The following CORO1B variants were observed in gnomAD, a reference collection of about 807,000 sequenced individuals.
CORO1B encodes coronin-1B.
In CORO1B, 30 loss-of-function variants were observed where a neutral mutation model predicts 51.1. The ratio of observed to expected loss-of-function variants is 0.59; its 90% CI spans 0.44 to 0.80. The LOEUF is 0.80. CORO1B is among the 30% of genes least tolerant of loss of function. The probability of loss-of-function intolerance (pLI) is 0.00; values close to 1 mark genes in which losing one functional copy is unlikely to be tolerated. For missense variants in CORO1B, 648 were observed against 700.4 expected (o/e 0.93, Z 0.84); for synonymous variants, 310 against 289.7 (o/e 1.07, Z -0.71).
In CORO1B at chr11:67,435,630, C is replaced by T. The variant is rs1864249664; in HGVS notation, c.*2746G>A. 5.4e-6 allele frequency: 8 copies of T among 1,472,520 alleles called. No individual in the cohort carries two copies. Among genetic ancestry groups the T allele is most frequent in the African/African-American group, 1.4e-5 (1 of 70,996 alleles). The allele number at this position is 1,472,520 out of a possible 1,614,324, so 91.2% of individuals were successfully genotyped here. A position where few individuals can be genotyped will look rare whatever the true frequency, so the allele number is the denominator to read the frequency against. On this transcript the variant is annotated 3_prime_UTR_variant, in exon 11 of 11. Coordinates refer to ENST00000341356, the MANE Select transcript of CORO1B (RefSeq NM_020441.3). ...ACTGGTAGGGGGTGACAGTCTGAGG[C>T]ATGGTCATGTGGGCTGGGGGTCCAG...
rs1864319086 is a variant in CORO1B, at chr11:67,437,966, G to A, written c.*410C>T. On this transcript the variant is annotated 3_prime_UTR_variant, in exon 11 of 11. Transcript: ENST00000341356. ...GCTGCTCACTGCCCCCAGACCTTCT[G>A]CACATGTGTGACTCCTGTGACATCC... 2.8e-6 allele frequency: 1 copy of A among 361,838 alleles called. No individual in the cohort carries two copies. The allele number at this position is 361,838 out of a possible 1,614,324, so 22.4% of individuals were successfully genotyped here.
rs1864387871 is a variant in CORO1B, at chr11:67,441,264, G to T, written c.637-20C>A. The T allele has an allele frequency of 6.2e-7, 1 of 1,612,706 alleles. No homozygotes were observed. The highest frequency in any genetic ancestry group is 1.3e-5 in the African/African-American group (1 of 74,924). On this transcript the variant is annotated intron_variant, in intron 5 of 10. Transcript: ENST00000341356. ...CCGCTCCTGTCGGGGGGACAGGCTG[G>T]TCAGTGCAGCGCCCTGCTCAAGGTC...
At position 67,436,569 on chromosome 11, in the gene CORO1B, A is replaced by C; in HGVS notation, c.*1807T>G. The C allele has an allele frequency of 2.1e-6, 1 of 469,628 alleles. No homozygotes were observed. Among genetic ancestry groups the C allele is most frequent in the Non-Finnish European group, 3.6e-6 (1 of 278,332 alleles). The allele number at this position is 469,628 out of a possible 1,614,324, so 29.1% of individuals were successfully genotyped here. ...CTCCTCCCTACCACTCACCTCCCCC[A>C]ACAGCTGCATTAAGCCACCTGCCTG... On this transcript the variant is annotated 3_prime_UTR_variant, in exon 11 of 11. Coordinates refer to ENST00000341356, the MANE Select transcript of CORO1B (RefSeq NM_020441.3).
Position 67,435,822 on chromosome 11 carries a change from T to C in CORO1B, c.*2554A>G. On this transcript the variant is annotated 3_prime_UTR_variant, in exon 11 of 11. Coordinates refer to ENST00000341356, the MANE Select transcript of CORO1B (RefSeq NM_020441.3). ...CTGCCAGCAAAGGCGTGCAGGTCACTCAGCAGGGCCTCAGCACTGCCCCCT... is the reference window on the plus strand; with the variant it reads ...CTGCCAGCAAAGGCGTGCAGGTCACCCAGCAGGGCCTCAGCACTGCCCCCT... 6.2e-7 allele frequency: 1 copy of C among 1,604,798 alleles called. No homozygotes were observed. Among genetic ancestry groups the C allele is most frequent in the Non-Finnish European group, 8.5e-7 (1 of 1,176,856 alleles).
At chr11:67,442,664 C>A in intron 1 of CORO1B, 34 bp from the exon 2 acceptor site, 1 of 1,598,216 alleles carries the variant, frequency 6.3e-7, no homozygotes, top group Non-Finnish European at 8.6e-7. Context: ...CAGTCCGGCC[C>A]ATCCCAACAA....
chr11:67,441,337 A>T lies in CORO1B; in HGVS notation c.632T>A (p.Val211Glu). The T allele has an allele frequency of 6.2e-7, 1 of 1,613,538 alleles. No individual in the cohort carries two copies. The highest frequency in any genetic ancestry group is 8.5e-7 in the Non-Finnish European group (1 of 1,179,998). The change falls in exon 5 of 11, where the codon GTG becomes GAG. Residue 211 changes from valine (V) to glutamate (E), a missense_variant. Val to Glu is a moderately radical substitution (Grantham distance 121). Coordinates refer to ENST00000341356, the MANE Select transcript of CORO1B (RefSeq NM_020441.3). The part of the protein sequence containing the change: ...RIIDPRRGTL[V>E]AEREKAHEGA... ...TTGCCCTCCAGAGCCACGTACTGCCACCAGGGTGCCCCGACGGGGGTCGAT... is the reference window on the plus strand; with the variant it reads ...TTGCCCTCCAGAGCCACGTACTGCCTCCAGGGTGCCCCGACGGGGGTCGAT...
Position 67,437,001 on chromosome 11 carries a change from T to C in CORO1B, c.*1375A>G, listed in dbSNP as rs1340351748. ...GGAGGTTGCTAGCTGGTGTCAGGGCTGGCTCTCCCTGAGGCCTGGGATGGG... is the reference window on the plus strand; with the variant it reads ...GGAGGTTGCTAGCTGGTGTCAGGGCCGGCTCTCCCTGAGGCCTGGGATGGG... On this transcript the variant is annotated 3_prime_UTR_variant, in exon 11 of 11. Transcript: ENST00000341356. 1 of 152,560 alleles carries C rather than the reference T, an allele frequency of 6.6e-6. No homozygotes were observed. Among genetic ancestry groups the C allele is most frequent in the Admixed American group, 6.5e-5 (1 of 15,300 alleles). The allele number at this position is 152,560 out of a possible 1,614,324, so 9.5% of individuals were successfully genotyped here.
At chr11:67,440,676 G>T in intron 6 of CORO1B, 1 of 678,754 alleles carries the variant, frequency 1.5e-6, no homozygotes, top group East Asian at 2.8e-5. Context: ...CTATGCCCAG[G>T]CCACTAAGCA....
intron 6 of CORO1B, 77 bp downstream of exon 6, chr11:67,441,048 C>T: frequency 6.2e-7 from 1 of 1,605,118 alleles, no homozygotes; most frequent in Non-Finnish European, 8.5e-7. Flanking sequence ...CCACAGGCCT[C>T]CCCAGGGTGA....
rs547376488 is a variant in CORO1B at position 67,435,562 on chromosome 11, G to T, written c.*2814C>A. ...TGGTTGCCTGATGCCTGTGGTTGGGGGGGGCCGTTCCCGTGGTGAGCGGGG... is the reference window on the plus strand; with the variant it reads ...TGGTTGCCTGATGCCTGTGGTTGGGTGGGGCCGTTCCCGTGGTGAGCGGGG... On this transcript the variant is annotated 3_prime_UTR_variant, in exon 11 of 11. Coordinates refer to ENST00000341356, the MANE Select transcript of CORO1B (RefSeq NM_020441.3). The T allele has an allele frequency of 2.0e-6, 2 of 1,003,840 alleles. No homozygotes were observed. The highest frequency in any genetic ancestry group is 2.8e-6 in the Non-Finnish European group (2 of 713,612). 62.2% of individuals were successfully genotyped at this position (1,003,840 alleles called of 1,614,324 possible).
rs374554695 is a variant in CORO1B, at chr11:67,441,249, C to T, written c.637-5G>A. On this transcript the variant is annotated splice_polypyrimidine_tract_variant and splice_region_variant and intron_variant, in intron 5 of 10. Transcript: ENST00000341356. ...CTCATGAGCCTTCTCCCGCTCCTGTCGGGGGGACAGGCTGGTCAGTGCAGC... is the reference window on the plus strand; with the variant it reads ...CTCATGAGCCTTCTCCCGCTCCTGTTGGGGGGACAGGCTGGTCAGTGCAGC... 1.6e-5 allele frequency: 25 copies of T among 1,612,824 alleles called. No individual in the cohort carries two copies. The highest frequency in any genetic ancestry group is 3.3e-5 in the South Asian group (3 of 91,072).
chr11:67,440,541 C>T (rs1443631491), intron 6 of CORO1B, 102 bp from the exon 7 acceptor site: 1 of 1,057,582 alleles, frequency 9.5e-7, no homozygotes, highest in Non-Finnish European at 1.4e-6. Context: ...CCAGCACTGC[C>T]CCTAAATGCA....
At position 67,438,322 on chromosome 11, in the gene CORO1B, A is replaced by G; in HGVS notation, c.*54T>C. 1 of 1,553,942 alleles carries G rather than the reference A, an allele frequency of 6.4e-7. No individual in the cohort carries two copies. On this transcript the variant is annotated 3_prime_UTR_variant, in exon 11 of 11. Transcript: ENST00000341356. ...TAGCCCGGTGCGACCCGCTGGCAGA[A>G]GCTGAGTGGGAAGGGGGCGGCGGAG...
At position 67,438,699 on chromosome 11, in the gene CORO1B, G is replaced by C. The variant is rs931057641; in HGVS notation, c.1316C>G (p.Thr439Ser). Residue 439 changes from threonine (T) to serine (S), a missense_variant, in exon 10 of 11, where the codon ACC (threonine) becomes AGC (serine). Transcript: ENST00000341356. ...PASTTTAADA[T>S]PSGSLARAGE... ...GGCTCTGGCCAGGCTGCCGCTGGGGGTGGCATCAGCAGCAGTGGTGGTGGA... is the reference window on the plus strand; with the variant it reads ...GGCTCTGGCCAGGCTGCCGCTGGGGCTGGCATCAGCAGCAGTGGTGGTGGA... The C allele has an allele frequency of 6.5e-7, 1 of 1,547,932 alleles. No homozygotes were observed.
In CORO1B at chr11:67,435,764, C is replaced by T. The variant is rs1378626098; in HGVS notation, c.*2612G>A. 6.4e-7 allele frequency: 1 copy of T among 1,557,232 alleles called. No homozygotes were observed. The highest frequency in any genetic ancestry group is 2.3e-5 in the East Asian group (1 of 44,280). ...TGCGGTGACATGGAGGCCCTGGCCC[C>T]CAGCTGCCCTGGCGCTGTCATCCCA... On this transcript the variant is annotated 3_prime_UTR_variant, in exon 11 of 11. Coordinates refer to ENST00000341356, the MANE Select transcript of CORO1B (RefSeq NM_020441.3).
rs755147724 is a variant in CORO1B, at chr11:67,438,858, T to C, written c.1157A>G (p.Asp386Gly). 6.2e-7 allele frequency: 1 copy of C among 1,608,750 alleles called. No homozygotes were observed. Among genetic ancestry groups the C allele is most frequent in the Non-Finnish European group, 8.5e-7 (1 of 1,178,824 alleles). Residue 386 changes from aspartate (D) to glycine (G), a missense_variant, in exon 10 of 11, where the codon GAC becomes GGC. Physicochemically the swap from Asp to Gly is moderately conservative, Grantham distance 94 (BLOSUM62 -1). Transcript: ENST00000341356. ...AEEWVSGRDADPILISLREAY... is the reference protein window; with the variant it reads ...AEEWVSGRDAGPILISLREAY... ...CTCCCGCAGTGAGATGAGGATCGGGTCGGCATCCCGCCCGCTCACCCACTC... is the reference window on the plus strand; with the variant it reads ...CTCCCGCAGTGAGATGAGGATCGGGCCGGCATCCCGCCCGCTCACCCACTC...
upstream of CORO1B, chr11:67,443,688 G>A (rs1864441891): frequency 1.0e-6 from 1 of 969,000 alleles, no homozygotes; most frequent in African/African-American, 1.8e-5. Flanking sequence ...GGAAGAAGGG[G>A]GCGGGGCGGG....
intron 2 of CORO1B, 88 bp downstream of exon 2, chr11:67,442,340 C>T (rs1864413581): frequency 1.1e-5 from 16 of 1,411,016 alleles, no homozygotes; most frequent in Middle Eastern, 2.4e-4. Context: ...GTGTGAGAAA[C>T]GGCAAGATGA....
rs1864324208 is a variant in CORO1B, at chr11:67,438,176, G to T, written c.*200C>A. The T allele has an allele frequency of 3.5e-6, 2 of 576,806 alleles. No homozygotes were observed. The highest frequency in any genetic ancestry group is 5.7e-6 in the Non-Finnish European group (2 of 351,384). The allele number at this position is 576,806 out of a possible 1,614,324, so 35.7% of individuals were successfully genotyped here. ...CCCTCAGAGGTCGAGGAGCTCGCCT[G>T]GGCGTAGACATCCTCCACAGGAACA... On this transcript the variant is annotated 3_prime_UTR_variant, in exon 11 of 11. Transcript: ENST00000341356.
Sources: allele counts gnomAD v4.1 joint callset, GRCh38; gene constraint gnomAD v4.1.1; transcripts MANE v1.5; gene names NCBI Gene and HGNC (gene_info 2026-07-23, HGNC 2026-07-21).